The following DGKE variants were observed in gnomAD, a reference collection of about 807,000 sequenced individuals.
The protein encoded by DGKE is diacylglycerol kinase epsilon.
DGKE carries 53 observed loss-of-function variants against 70.0 expected under a neutral mutation model. The observed-to-expected ratio is 0.76, with a 90% CI of 0.61 to 0.95. DGKE has a LOEUF of 0.95. DGKE is among the 40% of genes least tolerant of loss of function. The probability of loss-of-function intolerance (pLI) is 0.00; values close to 1 mark genes in which losing one functional copy is unlikely to be tolerated. For synonymous variants in DGKE, 291 were observed against 257.0 expected (o/e 1.13, Z -1.27); for missense variants, 655 against 706.9 (o/e 0.93, Z 0.83).
intron 9 of DGKE, among the ~76,000 whole-genome samples, chr17:56,860,733 A>G (rs180953981): frequency 1.1e-4 from 17 of 152,272 alleles, no homozygotes; most frequent in African/African-American, 4.1e-4. Context: ...TAGCTAAGAG[A>G]AGGAGGAGGG....
At chr17:56,851,061 G>T (rs1201842455) in intron 7 of DGKE, among the ~76,000 whole-genome samples, 3 of 152,116 alleles carry the variant, frequency 2.0e-5, no homozygotes, top group East Asian at 3.8e-4. Context: ...AGAGAGAGTA[G>T]ATCTGTATTT....
chr17:56,857,776 GA>G (rs1215366958), intron 8 of DGKE, among the ~76,000 whole-genome samples: 5 of 151,938 alleles, frequency 3.3e-5, no homozygotes, highest in Non-Finnish European at 4.4e-5. Context: ...ACACCATTTA[GA>G]AAAAAATCAC....
rs1020901724 is a variant in DGKE at position 56,849,334 on chromosome 17, C to T, written c.1098+102C>T. ...AGACCTGGTGCTTATCTCAAGGGAGCTGGCTGTGGAGCAGAACAGAAGCTT... is the reference window on the plus strand; with the variant it reads ...AGACCTGGTGCTTATCTCAAGGGAGTTGGCTGTGGAGCAGAACAGAAGCTT... On this transcript the variant is annotated intron_variant, in intron 7 of 11. Coordinates refer to ENST00000284061, the MANE Select transcript of DGKE (RefSeq NM_003647.3). 1.7e-5 allele frequency: 18 copies of T among 1,065,048 alleles called. No individual in the cohort carries two copies. In the South Asian group the frequency reaches 2.5e-4, roughly 15 times the overall value. The allele number at this position is 1,065,048 out of a possible 1,614,324, so 66.0% of individuals were successfully genotyped here. A position where few individuals can be genotyped will look rare whatever the true frequency, so the allele number is the denominator to read the frequency against.
chr17:56,854,428 C>A (rs1907828114), intron 7 of DGKE, among the ~76,000 whole-genome samples: 1 of 151,944 alleles, frequency 6.6e-6, no homozygotes, highest in African/African-American at 2.4e-5. Flanking sequence ...CACACCTTAG[C>A]CTCATTAGTA....
intron 2 of DGKE, chr17:56,838,432 C>T (rs746362221): frequency 2.6e-5 from 4 of 152,230 alleles, no homozygotes; most frequent in Non-Finnish European, 4.4e-5. Context: ...TTACTTAACT[C>T]TGCCATAGTT....
chr17:56,834,677 C>A, intron 1 of DGKE, 101 bp from the exon 2 acceptor site: 1 of 1,113,728 alleles, frequency 9.0e-7, no homozygotes, highest in Non-Finnish European at 1.3e-6. Flanking sequence ...AGAGCGGAGC[C>A]ACCTTCACTG....
At chr17:56,844,667 A>G (rs2144225825) in intron 3 of DGKE, among the ~76,000 whole-genome samples, 1 of 152,120 alleles carries the variant, frequency 6.6e-6, no homozygotes, top group South Asian at 2.1e-4. Context: ...TTCTAAAACT[A>G]TTTTTCTATT....
At chr17:56,841,275 A>T (rs1029920004) in intron 2 of DGKE, among the ~76,000 whole-genome samples, 30 of 151,064 alleles carry the variant, frequency 2.0e-4, no homozygotes, top group African/African-American at 7.3e-4. Flanking sequence ...AATTTTTTTT[A>T]AATGAAACAG....
At position 56,845,679 on chromosome 17, in the gene DGKE, A is replaced by G; in HGVS notation, c.625-11A>G. ...ATACTAAACCTTTTCACTCATGGCAATTTTTTTTAGCTAGCCTCTAAGCTT... is the reference window on the plus strand; with the variant it reads ...ATACTAAACCTTTTCACTCATGGCAGTTTTTTTTAGCTAGCCTCTAAGCTT... On this transcript the variant is annotated splice_polypyrimidine_tract_variant and intron_variant, in intron 3 of 11. Coordinates refer to ENST00000284061, the MANE Select transcript of DGKE (RefSeq NM_003647.3). 2 of 1,598,750 alleles carry G rather than the reference A, an allele frequency of 1.3e-6. No homozygotes were observed. The highest frequency in any genetic ancestry group is 1.4e-5 in the African/African-American group (1 of 74,014).
intron 2 of DGKE, among the ~76,000 whole-genome samples, chr17:56,837,216 T>G (rs1414222520): frequency 6.6e-6 from 1 of 151,756 alleles, no homozygotes; most frequent in Non-Finnish European, 1.5e-5. Context: ...GTTTTTTTGT[T>G]TTTTTTTTCT....
intron 3 of DGKE, among the ~76,000 whole-genome samples, chr17:56,845,279 GAA>G (rs1907213481): frequency 6.6e-6 from 1 of 152,086 alleles, no homozygotes; most frequent in Non-Finnish European, 1.5e-5. Context: ...TCCAGTAAAG[GAA>G]AATCAAGGTG....
chr17:56,837,125 AT>A (rs1039971703), intron 2 of DGKE, among the ~76,000 whole-genome samples: 1 of 152,258 alleles, frequency 6.6e-6, no homozygotes, highest in African/African-American at 2.4e-5. Flanking sequence ...GGGTTGCTAG[AT>A]TTAGCAGATA....
rs546081906 is a variant in DGKE, at chr17:56,862,635, G to A, written c.1548G>A (p.Met516Ile). 9.6e-6 allele frequency: 15 copies of A among 1,570,430 alleles called. No individual in the cohort carries two copies. In the South Asian group the frequency reaches 1.7e-4, roughly 18 times the overall value. The change falls in exon 12 of 12, where the codon ATG becomes ATA. Residue 516 changes from methionine to isoleucine, a missense_variant. Physicochemically the swap from Met to Ile is conservative, Grantham distance 10 (BLOSUM62 1). Transcript: ENST00000284061. ...AGCTGATTTTGAAGTGCTCCATGAT[G>A]CCAATGCAGGTGGATGGGGAGCCTT... Reference protein sequence around the residue: ...TVRLILKCSMMPMQVDGEPWA... With the variant: ...TVRLILKCSMIPMQVDGEPWA...
rs1908515282 is a variant in DGKE at position 56,866,132 on chromosome 17, A to G, written c.*3341A>G. 1 of 152,280 alleles carries G rather than the reference A, an allele frequency of 6.6e-6. No individual in the cohort carries two copies. Among genetic ancestry groups the G allele is most frequent in the African/African-American group, 2.4e-5 (1 of 41,474 alleles). The allele number at this position is 152,280 out of a possible 1,614,324, so 9.4% of individuals were successfully genotyped here. ...CTGAATTCATTCTCAGCAACAAGACAGAAAAGGTGGTTTGGGTTTTGCTTT... is the reference window on the plus strand; with the variant it reads ...CTGAATTCATTCTCAGCAACAAGACGGAAAAGGTGGTTTGGGTTTTGCTTT... On this transcript the variant is annotated 3_prime_UTR_variant, in exon 12 of 12. Coordinates refer to ENST00000284061, the MANE Select transcript of DGKE (RefSeq NM_003647.3).
rs1357796623 is a variant in DGKE at position 56,867,976 on chromosome 17, C to G, written c.*5185C>G. On this transcript the variant is annotated 3_prime_UTR_variant, in exon 12 of 12. Coordinates refer to ENST00000284061, the MANE Select transcript of DGKE (RefSeq NM_003647.3). ...GATATCAGACCAAGAACACTTCAGT[C>G]TCTCTAAGGATGCCCTGAGCTACCT... 6.6e-6 allele frequency: 1 copy of G among 152,144 alleles called. No individual in the cohort carries two copies. The highest frequency in any genetic ancestry group is 1.5e-5 in the Non-Finnish European group (1 of 68,090). 9.4% of individuals were successfully genotyped at this position (152,144 alleles called of 1,614,324 possible).
chr17:56,862,520 AG>A, intron 11 of DGKE, 91 bp from the exon 12 acceptor site: 1 of 1,149,726 alleles, frequency 8.7e-7, no homozygotes, highest in Non-Finnish European at 1.2e-6. Context: ...GAAATGCATA[AG>A]GGTTAAGGGA....
rs1598056001 is a variant in DGKE, at chr17:56,867,509, A to G, written c.*4718A>G. ...TCCCAGCTAATCAGGAGGCTGAGGC[A>G]CGAGAATTGCTCGAACCCAGGCGGC... is the stretch of plus-strand genomic sequence containing the variant. On this transcript the variant is annotated 3_prime_UTR_variant, in exon 12 of 12. Transcript: ENST00000284061. 1 of 152,244 alleles carries G rather than the reference A, an allele frequency of 6.6e-6. No homozygotes were observed. The highest frequency in any genetic ancestry group is 2.4e-5 in the African/African-American group (1 of 41,440). 9.4% of individuals were successfully genotyped at this position (152,244 alleles called of 1,614,324 possible).
intron 1 of DGKE, 121 bp from the exon 2 acceptor site, chr17:56,834,657 C>T (rs1362916644): frequency 2.1e-6 from 2 of 934,080 alleles, no homozygotes; most frequent in African/African-American, 1.6e-5. Context: ...GGCGCAGTCC[C>T]GCCCTCGGGA....
chr17:56,863,423 G>T lies in DGKE; in HGVS notation c.*632G>T, dbSNP rs975082432. ...ACGTAAATGTTGTTTAATTCTGTAG[G>T]TAACCATTTGAGCTGCAATTCAGGA... is the stretch of plus-strand genomic sequence containing the variant. On this transcript the variant is annotated 3_prime_UTR_variant, in exon 12 of 12. Coordinates refer to ENST00000284061, the MANE Select transcript of DGKE (RefSeq NM_003647.3). The T allele has an allele frequency of 6.6e-6, 1 of 152,176 alleles. No individual in the cohort carries two copies. The highest frequency in any genetic ancestry group is 2.4e-5 in the African/African-American group (1 of 41,438). 9.4% of individuals were successfully genotyped at this position (152,176 alleles called of 1,614,324 possible). A position where few individuals can be genotyped will look rare whatever the true frequency, so the allele number is the denominator to read the frequency against.
Sources: allele counts gnomAD v4.1 joint callset (sites outside exome capture counted in the v4.1 genomes callset), GRCh38; gene constraint gnomAD v4.1.1; transcripts MANE v1.5; gene names NCBI Gene and HGNC (gene_info 2026-07-23, HGNC 2026-07-21).